The following EIF4G3 variants were observed in gnomAD, a reference collection of about 807,000 sequenced individuals.
EIF4G3 encodes eIF-4-gamma 3.
EIF4G3 carries 34 observed loss-of-function variants against 186.4 expected under a neutral mutation model. The ratio of observed to expected loss-of-function variants is 0.18; its 90% CI spans 0.14 to 0.24. The LOEUF (loss-of-function observed/expected upper bound fraction) is 0.24, where lower values mean the gene tolerates loss of function less well. Among genes scored for constraint, EIF4G3 ranks in the 10% least tolerant of loss-of-function variants. EIF4G3 has a pLI of 1.00. For synonymous variants in EIF4G3, 673 were observed against 679.5 expected (o/e 0.99, Z 0.15); for missense variants, 1,536 against 1,948.5 (o/e 0.79, Z 3.99).
At chr1:20,936,637 T>C (rs2095524739) in intron 14 of EIF4G3, among the ~76,000 whole-genome samples, 2 of 151,958 alleles carry the variant, frequency 1.3e-5, no homozygotes, top group African/African-American at 4.8e-5. Context: ...TCATTTTTAG[T>C]TTAATCTAGG....
intron 3 of EIF4G3, among the ~76,000 whole-genome samples, chr1:21,062,028 T>C (rs1180971131): frequency 4.6e-5 from 7 of 151,960 alleles, no homozygotes; most frequent in Admixed American, 4.6e-4. Flanking sequence ...ATTACAGGCG[T>C]GAGCCACCGC....
At chr1:20,873,016 T>G (rs2079666359) in intron 20 of EIF4G3, among the ~76,000 whole-genome samples, 1 of 152,236 alleles carries the variant, frequency 6.6e-6, no homozygotes, top group Non-Finnish European at 1.5e-5. Flanking sequence ...GAATTACAGC[T>G]GTGAGCCACT....
chr1:21,149,219 T>C (rs1406098143), intron 2 of EIF4G3, among the ~76,000 whole-genome samples: 6 of 152,206 alleles, frequency 3.9e-5, no homozygotes, highest in Non-Finnish European at 8.8e-5. Context: ...TAAACACATA[T>C]ATGCCAACCT....
chr1:20,895,127 T>A (rs1026620492), intron 17 of EIF4G3, among the ~76,000 whole-genome samples: 1 of 151,886 alleles, frequency 6.6e-6, no homozygotes, highest in South Asian at 2.1e-4. Context: ...AATAAGCAGA[T>A]AAATCAATAA....
chr1:20,938,020 G>A (rs989209757), intron 14 of EIF4G3, among the ~76,000 whole-genome samples: 3 of 150,472 alleles, frequency 2.0e-5, no homozygotes, highest in African/African-American at 7.3e-5. Context: ...TTTTTAAGAT[G>A]GGGTCTTGCT....
At chr1:21,014,129 A>G in intron 4 of EIF4G3, among the ~76,000 whole-genome samples, 1 of 152,304 alleles carries the variant, frequency 6.6e-6, no homozygotes, top group East Asian at 1.9e-4. Context: ...AGATCATGCC[A>G]CTGCACTCCA....
At chr1:21,091,056 C>A (rs535338511) in intron 2 of EIF4G3, among the ~76,000 whole-genome samples, 1 of 152,144 alleles carries the variant, frequency 6.6e-6, no homozygotes, top group African/African-American at 2.4e-5. Context: ...CTAAACTATA[C>A]CCTATTTCAC....
At chr1:21,081,479 A>G (rs1208497586) in intron 3 of EIF4G3, among the ~76,000 whole-genome samples, 1 of 151,976 alleles carries the variant, frequency 6.6e-6, no homozygotes, top group East Asian at 1.9e-4. Context: ...CATATGATCA[A>G]TCACTCAATT....
At chr1:21,164,117 G>A (rs1047208379) in intron 2 of EIF4G3, among the ~76,000 whole-genome samples, 2 of 152,038 alleles carry the variant, frequency 1.3e-5, no homozygotes, top group African/African-American at 2.4e-5. Context: ...AGAATAGCCT[G>A]GGAGTATAAC....
At chr1:20,962,822 G>C (rs975072735) in intron 12 of EIF4G3, among the ~76,000 whole-genome samples, 5 of 152,080 alleles carry the variant, frequency 3.3e-5, no homozygotes, top group Admixed American at 3.3e-4. Flanking sequence ...AATAGCAACA[G>C]GAGGTGGCTA....
At chr1:20,907,766 G>A (rs1234365970) in intron 14 of EIF4G3, among the ~76,000 whole-genome samples, 2 of 151,930 alleles carry the variant, frequency 1.3e-5, no homozygotes, top group Non-Finnish European at 2.9e-5. Flanking sequence ...GTGTATATGT[G>A]CCACATTTTC....
At chr1:21,047,555 C>T (rs1161319503) in intron 4 of EIF4G3, among the ~76,000 whole-genome samples, 1 of 152,194 alleles carries the variant, frequency 6.6e-6, no homozygotes, top group Non-Finnish European at 1.5e-5. Flanking sequence ...CCCTCTAAAA[C>T]TCCCGATAGC....
At chr1:20,821,307 C>A (rs544507480) in intron 33 of EIF4G3, among the ~76,000 whole-genome samples, 27 of 152,316 alleles carry the variant, frequency 1.8e-4, no homozygotes, top group Middle Eastern at 3.4e-3. Flanking sequence ...GCAAGCTGCA[C>A]CAGAAATGGT....
At chr1:20,845,004 C>T (rs1056646577) in intron 29 of EIF4G3, among the ~76,000 whole-genome samples, 5 of 152,096 alleles carry the variant, frequency 3.3e-5, no homozygotes, top group African/African-American at 9.7e-5. Flanking sequence ...TTTTTGCTTT[C>T]GTTGCACTGT....
At chr1:20,915,910 A>T (rs1212046357) in intron 14 of EIF4G3, among the ~76,000 whole-genome samples, 1 of 152,240 alleles carries the variant, frequency 6.6e-6, no homozygotes, top group Non-Finnish European at 1.5e-5. Flanking sequence ...AAATGAAGTA[A>T]ATTTGTCTTT....
At chr1:20,932,012 T>C (rs1222052104) in intron 14 of EIF4G3, among the ~76,000 whole-genome samples, 3 of 152,176 alleles carry the variant, frequency 2.0e-5, no homozygotes, top group Non-Finnish European at 4.4e-5. Flanking sequence ...TTTCAACAAA[T>C]ATTGAAAATG....
At chr1:21,169,378 G>A (rs2097915465) in intron 2 of EIF4G3, among the ~76,000 whole-genome samples, 1 of 152,032 alleles carries the variant, frequency 6.6e-6, no homozygotes, top group South Asian at 2.1e-4. Context: ...AACCCGGGAG[G>A]CAGAGGTTGC....
chr1:21,152,443 T>G (rs958390143), intron 2 of EIF4G3, among the ~76,000 whole-genome samples: 20 of 151,352 alleles, frequency 1.3e-4, no homozygotes, highest in Non-Finnish European at 2.5e-4. Flanking sequence ...GAATCAAACT[T>G]GCTAACACTA....
In EIF4G3 at chr1:20,900,857, T is replaced by G. The variant is rs189843419; in HGVS notation, c.1753-914A>C. ...GGATAGTGTAAAGTAGTGTCATATA[T>G]AGCAGAAAAAAGTTCACCCCAAATA... is the stretch of plus-strand genomic sequence containing the variant. On this transcript the variant is annotated intron_variant, in intron 15 of 36. Coordinates refer to ENST00000602326, the MANE Select transcript of EIF4G3 (RefSeq NM_001391906.1). Among the ~76,000 whole-genome samples the G allele has an allele frequency of 6.4e-3, 975 of 152,324 alleles. 7 individuals are homozygous for G. Among genetic ancestry groups the G allele is most frequent in the Non-Finnish European group, 9.6e-3 (655 of 68,016 alleles).
Sources: gnomAD v4.1 joint callset for allele counts (sites outside exome capture counted in the v4.1 genomes callset) on GRCh38, gnomAD v4.1.1 for gene constraint, MANE v1.5 for transcripts, NCBI Gene and HGNC (gene_info 2026-07-23, HGNC 2026-07-21) for gene names.